Variants in OXR1 observed in about 807,000 individuals in gnomAD.
The protein encoded by OXR1 is oxidation resistance protein 1.
OXR1 carries 41 observed loss-of-function variants against 104.6 expected under a neutral mutation model. The observed-to-expected ratio is 0.39, with a 90% CI of 0.31 to 0.51. The LOEUF (loss-of-function observed/expected upper bound fraction) is 0.51, where lower values mean the gene tolerates loss of function less well. Among genes scored for constraint, OXR1 ranks in the 20% least tolerant of loss-of-function variants. The probability of loss-of-function intolerance (pLI) is 0.77; values close to 1 mark genes in which losing one functional copy is unlikely to be tolerated. For missense variants in OXR1, 955 were observed against 1,031.9 expected (o/e 0.93, Z 1.02); for synonymous variants, 348 against 348.4 (o/e 1.00, Z 0.01).
At chr8:106,389,451 C>A (rs1482653535) in intron 2 of OXR1, among the ~76,000 whole-genome samples, 1 of 152,174 alleles carries the variant, frequency 6.6e-6, no homozygotes, top group Non-Finnish European at 1.5e-5. Context: ...TACTATATCC[C>A]TACCATGCCT....
intron 1 of OXR1, among the ~76,000 whole-genome samples, chr8:106,309,998 C>G (rs1310981854): frequency 6.6e-6 from 1 of 151,662 alleles, no homozygotes; most frequent in African/African-American, 2.4e-5. Flanking sequence ...TGAATATCTT[C>G]ATTTTTTATG....
intron 7 of OXR1, among the ~76,000 whole-genome samples, chr8:106,702,437 G>T (rs1005490215): frequency 1.3e-5 from 2 of 152,184 alleles, no homozygotes; most frequent in Admixed American, 1.3e-4. Flanking sequence ...GAGTCAAGTG[G>T]AAACAGATTT....
chr8:106,653,374 T>C lies in OXR1; in HGVS notation c.221-25836T>C, dbSNP rs192392251. Among the ~76,000 whole-genome samples, 333 of 151,852 alleles carry C rather than the reference T, an allele frequency of 2.2e-3. 1 individual carries two copies. Among genetic ancestry groups the C allele is most frequent in the African/African-American group, 7.4e-3 (307 of 41,494 alleles). Reference sequence around the variant, plus strand: ...TATAGACAAAAAATAATCAACAGAATACCAACAAACCAAATCAAGCATCAT... The same window carrying C: ...TATAGACAAAAAATAATCAACAGAACACCAACAAACCAAATCAAGCATCAT... On this transcript the variant is annotated intron_variant, in intron 3 of 16. Transcript: ENST00000517566.
intron 1 of OXR1, among the ~76,000 whole-genome samples, chr8:106,318,693 C>T (rs562375698): frequency 6.6e-6 from 1 of 152,302 alleles, no homozygotes; most frequent in South Asian, 2.1e-4. Context: ...CTTTCTTCCT[C>T]CCTTGCATTC....
intron 2 of OXR1, among the ~76,000 whole-genome samples, chr8:106,515,110 G>C (rs924543092): frequency 6.6e-6 from 1 of 152,060 alleles, no homozygotes; most frequent in Non-Finnish European, 1.5e-5. Context: ...GTGTGTAAGT[G>C]TGCTCTCCTG....
In OXR1 at chr8:106,694,688, AAT is replaced by A. The variant is rs1404318249; in HGVS notation, c.675+1816_675+1817del. Among the ~76,000 whole-genome samples the A allele has an allele frequency of 3.6e-5, 4 of 110,308 alleles. 1 individual carries two copies. The highest frequency in any genetic ancestry group is 5.3e-4 in the East Asian group (2 of 3,764). 72.4% of individuals were successfully genotyped at this position (110,308 alleles called of 152,430 possible). A position where few individuals can be genotyped will look rare whatever the true frequency, so the allele number is the denominator to read the frequency against. On this transcript the variant is annotated intron_variant, in intron 7 of 16. Transcript: ENST00000517566. ...TATATGTTTATATATTTAATATATA[AAT>A]ATATGTTTATATATTTAATATATAA...
intron 3 of OXR1, among the ~76,000 whole-genome samples, chr8:106,550,408 G>T (rs1311788329): frequency 3.3e-5 from 5 of 152,158 alleles, no homozygotes; most frequent in Non-Finnish European, 5.9e-5. Context: ...CATGGTGGAA[G>T]GGGGTAAGAC....
At chr8:106,482,397 A>G (rs897353572) in intron 2 of OXR1, among the ~76,000 whole-genome samples, 2 of 133,806 alleles carry the variant, frequency 1.5e-5, no homozygotes, top group African/African-American at 2.8e-5. Context: ...ATTGGGAAGA[A>G]CAAGAGTTAG....
At chr8:106,418,390 A>G (rs1362865021) in intron 2 of OXR1, among the ~76,000 whole-genome samples, 2 of 152,104 alleles carry the variant, frequency 1.3e-5, no homozygotes, top group Non-Finnish European at 2.9e-5. Flanking sequence ...TTGCTGAGCA[A>G]AAATTCAAAT....
At chr8:106,300,689 G>A (rs991489476) in intron 1 of OXR1, among the ~76,000 whole-genome samples, 2 of 152,100 alleles carry the variant, frequency 1.3e-5, no homozygotes, top group Non-Finnish European at 2.9e-5. Context: ...GAAACAGATC[G>A]AAAGGTAACC....
intron 11 of OXR1, 55 bp downstream of exon 11, chr8:106,714,040 A>G (rs1831989313): frequency 7.4e-7 from 1 of 1,346,314 alleles, no homozygotes; most frequent in South Asian, 1.3e-5. Context: ...ATGAATTTAT[A>G]GCTTTATGGT....
intron 2 of OXR1, among the ~76,000 whole-genome samples, chr8:106,379,828 C>A (rs1817067548): frequency 1.3e-5 from 2 of 152,170 alleles, no homozygotes; most frequent in African/African-American, 4.8e-5. Context: ...CAGGCATGAG[C>A]TACCAAACCC....
At chr8:106,280,407 A>T (rs551175373) in intron 1 of OXR1, among the ~76,000 whole-genome samples, 1 of 152,154 alleles carries the variant, frequency 6.6e-6, no homozygotes, top group African/African-American at 2.4e-5. Flanking sequence ...AATCTGCTTC[A>T]TGCCTTTCTC....
At chr8:106,536,825 T>C (rs1205268545) in intron 3 of OXR1, among the ~76,000 whole-genome samples, 1 of 152,168 alleles carries the variant, frequency 6.6e-6, no homozygotes, top group East Asian at 1.9e-4. Context: ...ATTTGTTTTT[T>C]GATTGTATTT....
chr8:106,398,768 G>C (rs1175624706), intron 2 of OXR1, among the ~76,000 whole-genome samples: 1 of 152,048 alleles, frequency 6.6e-6, no homozygotes, highest in Non-Finnish European at 1.5e-5. Context: ...CCCACCTCTG[G>C]TGAATCAGTT....
At chr8:106,332,041 T>TGTGA (rs1382214442) in intron 1 of OXR1, among the ~76,000 whole-genome samples, 2 of 144,984 alleles carry the variant, frequency 1.4e-5, no homozygotes, top group Non-Finnish European at 3.0e-5. Flanking sequence ...TGTGTGTGTG[T>TGTGA]GAATGCCCTT....
chr8:106,455,864 A>G (rs73309247), intron 2 of OXR1, among the ~76,000 whole-genome samples: 3,784 of 152,326 alleles, frequency 0.025, 151 homozygotes, highest in African/African-American at 0.083. Flanking sequence ...ACCTAGATTA[A>G]TACCCAAATT....
intron 1 of OXR1, among the ~76,000 whole-genome samples, chr8:106,334,752 G>T (rs62527970): frequency 9.6e-4 from 146 of 152,060 alleles, no homozygotes; most frequent in Non-Finnish European, 1.6e-3. Flanking sequence ...TTTCATTTTT[G>T]CTGGGCCTAT....
chr8:106,751,292 T>A lies in OXR1; in HGVS notation c.*351T>A, dbSNP rs1835872079. The A allele has an allele frequency of 6.2e-6, 1 of 161,628 alleles. No homozygotes were observed. The highest frequency in any genetic ancestry group is 6.5e-5 in the Admixed American group (1 of 15,496). 10.0% of individuals were successfully genotyped at this position (161,628 alleles called of 1,614,324 possible). On this transcript the variant is annotated 3_prime_UTR_variant, in exon 17 of 17. Transcript: ENST00000517566. ...GAACCTGTATTGATTTTTTTTTTTT[T>A]AACTATATTGATTCGTTTACTAGAA...
Sources: gnomAD v4.1 joint callset for allele counts (sites outside exome capture counted in the v4.1 genomes callset) on GRCh38, gnomAD v4.1.1 for gene constraint, MANE v1.5 for transcripts, NCBI Gene and HGNC (gene_info 2026-07-23, HGNC 2026-07-21) for gene names.